MTFR2: variants seen among roughly 807,000 people sequenced by gnomAD.
MTFR2 encodes DUF729 domain-containing protein 1.
MTFR2 carries 44 observed loss-of-function variants against 41.2 expected under a neutral mutation model. The ratio of observed to expected loss-of-function variants is 1.07; its 90% confidence interval spans 0.84 to 1.37. MTFR2 has a LOEUF of 1.37. MTFR2 is among the 40% of genes most tolerant of loss of function. MTFR2 has a pLI of 0.00. For missense variants in MTFR2, 452 were observed against 459.5 expected, an observed-to-expected ratio of 0.98 and a Z score of 0.15; for synonymous variants, 141 against 154.6, an observed-to-expected ratio of 0.91 and a Z score of 0.65.
Position 136,241,681 on chromosome 6 carries a change from G to T in MTFR2, c.282-5C>A, listed in dbSNP as rs749465896. ...TCATTTTTCCATATACTATTTCTGT[G>T]GGTGAAAAAAAATAGGAAATGGAGG... is the stretch of plus-strand genomic sequence containing the variant. On this transcript the variant is annotated splice_polypyrimidine_tract_variant and splice_region_variant and intron_variant, in intron 4 of 7. Coordinates refer to ENST00000420702, the MANE Select transcript of MTFR2 (RefSeq NM_001099286.3). 7.5e-6 allele frequency: 12 copies of T among 1,592,346 alleles called. No homozygotes were observed. Among genetic ancestry groups the T allele is most frequent in the Non-Finnish European group, 9.4e-6 (11 of 1,170,730 alleles).
intron 3 of MTFR2, among the ~76,000 whole-genome samples, chr6:136,243,549 C>CA (rs956507294): frequency 6.6e-6 from 1 of 150,822 alleles, no homozygotes; most frequent in African/African-American, 2.4e-5. Context: ...TCTACCAGAC[C>CA]AAAAAAAAGT....
chr6:136,236,453 C>T (rs1413429085), intron 6 of MTFR2, among the ~76,000 whole-genome samples: 2 of 152,174 alleles, frequency 1.3e-5, no homozygotes, highest in Non-Finnish European at 2.9e-5. Context: ...ACAAAGTTAG[C>T]TGTAGAGGCA....
In MTFR2 at chr6:136,249,121, C is replaced by T. The variant is rs192469545; in HGVS notation, c.-22G>A. 1.3e-6 allele frequency: 2 copies of T among 1,555,922 alleles called. No homozygotes were observed. Among genetic ancestry groups the T allele is most frequent in the Non-Finnish European group, 1.7e-6 (2 of 1,159,648 alleles). ...ACATTGATGAAGCAAATACAGAAGC[C>T]AATTCAAAGGAACATTATCAGTTTC... is the stretch of plus-strand genomic sequence containing the variant. On this transcript the variant is annotated 5_prime_UTR_variant, in exon 2 of 8. Transcript: ENST00000420702.
Position 136,231,360 on chromosome 6 carries a change from C to T in MTFR2, c.1073G>A (p.Gly358Glu). ...GACCATTTCTTCTTTAGTTCGCTGT[C>T]CTTCTGACTGTGAAATGTGATGTCC... Reference protein sequence around the residue: ...RFGHHISQSEGQRTKEEMVNT... With the variant: ...RFGHHISQSEEQRTKEEMVNT... The change falls in exon 8 of 8, where the codon GGA becomes GAA. Residue 358 changes from glycine to glutamate, a missense_variant. By Grantham distance (98) the Gly-to-Glu change is moderately conservative. Coordinates refer to ENST00000420702, the MANE Select transcript of MTFR2 (RefSeq NM_001099286.3). The T allele has an allele frequency of 6.2e-7, 1 of 1,611,536 alleles. No homozygotes were observed. Among genetic ancestry groups the T allele is most frequent in the Non-Finnish European group, 8.5e-7 (1 of 1,179,020 alleles).
At chr6:136,248,481 TTG>T (rs2128459800) in intron 2 of MTFR2, among the ~76,000 whole-genome samples, 1 of 152,344 alleles carries the variant, frequency 6.6e-6, no homozygotes, top group South Asian at 2.1e-4. Context: ...ACAAGCTCTC[TTG>T]CCTGCCACCA....
In MTFR2 at chr6:136,249,133, AC is replaced by A; in HGVS notation, c.-35del. 1 of 1,540,928 alleles carries A rather than the reference AC, an allele frequency of 6.5e-7. No homozygotes were observed. Among genetic ancestry groups the A allele is most frequent in the Non-Finnish European group, 8.7e-7 (1 of 1,148,984 alleles). ...CAAATACAGAAGCCAATTCAAAGGA[AC>A]ATTATCAGTTTCTTGGTGCCTTTGG... On this transcript the variant is annotated 5_prime_UTR_variant, in exon 2 of 8. An upstream start codon of the reference 5' UTR is lost. Coordinates refer to ENST00000420702, the MANE Select transcript of MTFR2 (RefSeq NM_001099286.3).
intron 7 of MTFR2, among the ~76,000 whole-genome samples, chr6:136,232,559 T>G (rs2128456559): frequency 6.6e-6 from 1 of 152,278 alleles, no homozygotes; most frequent in East Asian, 1.9e-4. Context: ...TGTTACACTC[T>G]TGGAGGGCTC....
At chr6:136,239,918 G>A in intron 5 of MTFR2, 98 bp from the exon 6 acceptor site, 1 of 910,214 alleles carries the variant, frequency 1.1e-6, no homozygotes, top group Non-Finnish European at 1.6e-6. Flanking sequence ...AGCAATTTCT[G>A]TAATGCTAGT....
At chr6:136,249,897 ACCAGAGCCGGATCGCGT>A (rs1436182864) in intron 1 of MTFR2, 62 bp downstream of exon 1, 1 of 152,196 alleles carries the variant, frequency 6.6e-6, no homozygotes, top group Non-Finnish European at 1.5e-5. Flanking sequence ...ACAGGCCGTG[ACCAGAGCCGGATCGCGT>A]CCCTCGCTTT....
chr6:136,238,707 C>A (rs796636874), intron 6 of MTFR2, among the ~76,000 whole-genome samples: 33 of 150,744 alleles, frequency 2.2e-4, no homozygotes, highest in African/African-American at 7.6e-4. Flanking sequence ...CACACACACA[C>A]ATGGAACTCA....
At chr6:136,236,168 G>A (rs560813904) in intron 6 of MTFR2, among the ~76,000 whole-genome samples, 21 of 152,266 alleles carry the variant, frequency 1.4e-4, no homozygotes, top group Admixed American at 4.6e-4. Flanking sequence ...ACAGAACAAC[G>A]GCTGAGAGTA....
chr6:136,237,501 A>C (rs1779938627), intron 6 of MTFR2, among the ~76,000 whole-genome samples: 1 of 152,338 alleles, frequency 6.6e-6, no homozygotes, highest in Middle Eastern at 3.4e-3. Flanking sequence ...TTGAAGAAAA[A>C]GAAACAGCTC....
chr6:136,240,741 T>C (rs1190900746), intron 5 of MTFR2, among the ~76,000 whole-genome samples: 1 of 152,182 alleles, frequency 6.6e-6, no homozygotes, highest in Non-Finnish European at 1.5e-5. Flanking sequence ...CTATATCCTC[T>C]TTCAAACCAA....
intron 2 of MTFR2, 148 bp from the exon 3 acceptor site, chr6:136,245,017 T>TA: frequency 1.7e-6 from 1 of 576,326 alleles, no homozygotes; most frequent in East Asian, 3.0e-5. Context: ...CATTTATTTT[T>TA]AAAAAGAAAT....
intron 6 of MTFR2, among the ~76,000 whole-genome samples, chr6:136,236,969 C>T (rs1779923366): frequency 6.6e-6 from 1 of 152,146 alleles, no homozygotes; most frequent in East Asian, 1.9e-4. Flanking sequence ...ATGCCGGAAG[C>T]TGGAAAGCTG....
chr6:136,239,869 G>T (rs751585503), intron 5 of MTFR2, 49 bp from the exon 6 acceptor site: 3 of 1,434,094 alleles, frequency 2.1e-6, no homozygotes, highest in Non-Finnish European at 2.8e-6. Flanking sequence ...TATCTCTAAC[G>T]TAATATATAT....
intron 6 of MTFR2, among the ~76,000 whole-genome samples, chr6:136,234,475 T>A (rs955873418): frequency 3.3e-5 from 5 of 152,018 alleles, no homozygotes; most frequent in South Asian, 2.1e-4. Flanking sequence ...TGGGGCTGCA[T>A]CAGGAAGGAG....
At chr6:136,244,906 T>C (rs1226927620) in intron 2 of MTFR2, 37 bp from the exon 3 acceptor site, 3 of 1,409,860 alleles carry the variant, frequency 2.1e-6, no homozygotes, top group Non-Finnish European at 2.9e-6. Context: ...AAATGCACTC[T>C]GATTAAGCAT....
chr6:136,232,858 A>T (rs1338096349), intron 7 of MTFR2, among the ~76,000 whole-genome samples: 1 of 152,236 alleles, frequency 6.6e-6, no homozygotes, highest in Admixed American at 6.5e-5. Context: ...GTCACTAAAG[A>T]TAACTATAAT....
Sources: gnomAD v4.1 joint callset for allele counts (sites outside exome capture counted in the v4.1 genomes callset) on GRCh38, gnomAD v4.1.1 for gene constraint, MANE v1.5 for transcripts, NCBI Gene and HGNC (gene_info 2026-07-23, HGNC 2026-07-21) for gene names.